The following PCLO variants were observed in gnomAD, a reference collection of about 807,000 sequenced individuals.
PCLO encodes piccolo presynaptic cytomatrix protein.
In PCLO, 82 loss-of-function variants were observed where a neutral mutation model predicts 427.5. The ratio of observed to expected loss-of-function variants is 0.19; its 90% confidence interval spans 0.16 to 0.23. PCLO has a LOEUF of 0.23. Among genes scored for constraint, PCLO ranks in the 10% least tolerant of loss-of-function variants. The pLI is 1.00. For missense variants in PCLO, 6,239 were observed against 6,115.9 expected (o/e 1.02, Z -0.67); for synonymous variants, 2,357 against 2,155.4 (o/e 1.09, Z -2.59).
chr7:82,780,742 A>T (rs1460987446), intron 22 of PCLO, among the ~76,000 whole-genome samples: 7 of 152,242 alleles, frequency 4.6e-5, no homozygotes, highest in Non-Finnish European at 1.0e-4. Context: ...TAACAATATT[A>T]GAATTCTTCT....
intron 3 of PCLO, among the ~76,000 whole-genome samples, chr7:82,982,206 C>A (rs11974533): frequency 0.045 from 6,904 of 151,982 alleles, 551 homozygotes; most frequent in African/African-American, 0.16. Flanking sequence ...CACAGCAACC[C>A]CAAGGCCTAG....
In PCLO at chr7:82,915,581, C is replaced by A. The variant is rs369261620; in HGVS notation, c.12405G>T (p.Gly4135=). The A allele has an allele frequency of 6.7e-5, 108 of 1,613,350 alleles. No homozygotes were observed. Among genetic ancestry groups the A allele is most frequent in the Non-Finnish European group, 8.6e-5 (101 of 1,179,670 alleles). ...CAGCAAGGTGATCTAAGCTCTCTGT[C>A]CCTCTACGAAATTCCTGTTTAATCT... ...KHQIKQEFRR[G]TESLDHLAGL... is the part of the protein sequence containing the mutation. Residue 4135 remains glycine, a synonymous_variant, in exon 7 of 25, where the codon GGG becomes GGT. Transcript: ENST00000333891.
At chr7:83,096,536 G>C (rs927649584) in intron 3 of PCLO, among the ~76,000 whole-genome samples, 1 of 151,400 alleles carries the variant, frequency 6.6e-6, no homozygotes, top group Non-Finnish European at 1.5e-5. Flanking sequence ...TTACAGATCA[G>C]TGCCAGGCAC....
chr7:82,786,360 A>G (rs1292934661), intron 22 of PCLO, among the ~76,000 whole-genome samples: 1 of 152,172 alleles, frequency 6.6e-6, no homozygotes, highest in African/African-American at 2.4e-5. Context: ...ACAATCTGAT[A>G]TATTTTTCTA....
At chr7:83,033,974 T>G (rs1788732201) in intron 3 of PCLO, among the ~76,000 whole-genome samples, 1 of 152,212 alleles carries the variant, frequency 6.6e-6, no homozygotes, top group African/African-American at 2.4e-5. Flanking sequence ...TATCTTTTTC[T>G]TGTCTTCAGT....
At chr7:82,776,800 TTC>T (rs887420352) in intron 22 of PCLO, among the ~76,000 whole-genome samples, 1 of 142,710 alleles carries the variant, frequency 7.0e-6, no homozygotes, top group Admixed American at 7.2e-5. Flanking sequence ...ATCTCTCTCT[TTC>T]TCTCTCTCTT....
At chr7:83,144,204 C>T (rs1451129292) in intron 2 of PCLO, among the ~76,000 whole-genome samples, 1 of 152,036 alleles carries the variant, frequency 6.6e-6, no homozygotes, top group Non-Finnish European at 1.5e-5. Context: ...GGCAGATCAC[C>T]AGGGGTCAGG....
At chr7:82,912,357 A>C (rs1485064498) in intron 7 of PCLO, among the ~76,000 whole-genome samples, 5 of 151,852 alleles carry the variant, frequency 3.3e-5, no homozygotes, top group African/African-American at 7.2e-5. Context: ...ATTACTCATT[A>C]GAAGAAAAAT....
Position 83,154,752 on chromosome 7 carries a change from G to A in PCLO, c.1889C>T (p.Thr630Met), listed in dbSNP as rs201668310. Residue 630 changes from threonine to methionine, a missense_variant, in exon 2 of 25, where the codon ACG becomes ATG. By Grantham distance (81) the Thr-to-Met change is moderately conservative. This residue lies in a region of PCLO where 4,677 missense variants were observed against 4,468.4 expected (regional missense o/e 1.05). Transcript: ENST00000333891. ...TCAGTGAATAAATGCACTTACCTCC[G>A]TTAAATGAGGATTGGGATTAAAACC... ...LCGFNPNPHL[T>M]EVKEWLCLNC... 44 of 1,611,516 alleles carry A rather than the reference G, an allele frequency of 2.7e-5. No individual in the cohort carries two copies. In the Middle Eastern group the frequency reaches 5.0e-4, roughly 18 times the overall value.
chr7:82,932,848 T>C (rs538622761), intron 6 of PCLO, among the ~76,000 whole-genome samples: 32 of 152,150 alleles, frequency 2.1e-4, no homozygotes, highest in African/African-American at 6.3e-4. Flanking sequence ...TTATATTTCA[T>C]TTTTTTACAA....
At position 82,755,380 on chromosome 7, in the gene PCLO, G is replaced by A. The variant is rs1299624874; in HGVS notation, c.*3195C>T. ...TCACCAAAAATCTTCTTAATCTTAA[G>A]TAAAAACAGAGAAAACACCAACTTC... On this transcript the variant is annotated 3_prime_UTR_variant, in exon 25 of 25. Coordinates refer to ENST00000333891, the MANE Select transcript of PCLO (RefSeq NM_033026.6). 6.6e-6 allele frequency: 1 copy of A among 152,072 alleles called. No homozygotes were observed. Among genetic ancestry groups the A allele is most frequent in the Non-Finnish European group, 1.5e-5 (1 of 68,006 alleles). 9.4% of individuals were successfully genotyped at this position (152,072 alleles called of 1,614,324 possible). A position where few individuals can be genotyped will look rare whatever the true frequency, so the allele number is the denominator to read the frequency against.
chr7:83,027,908 C>G (rs879850199), intron 3 of PCLO, among the ~76,000 whole-genome samples: 9,287 of 117,016 alleles, frequency 0.079, 1 homozygote, highest in Non-Finnish European at 0.087. Context: ...ATTCAACAAC[C>G]CTTCATGCTA....
chr7:82,912,168 T>A (rs2116246691), intron 7 of PCLO, among the ~76,000 whole-genome samples: 1 of 152,180 alleles, frequency 6.6e-6, no homozygotes, highest in East Asian at 1.9e-4. Context: ...AATGTTATAC[T>A]ACTCAAAATT....
rs1790363779 is a variant in PCLO, at chr7:82,758,518, TAGTCTTGA to T, written c.*49_*56del. 6.8e-7 allele frequency: 1 copy of T among 1,468,900 alleles called. No individual in the cohort carries two copies. Among genetic ancestry groups the T allele is most frequent in the Non-Finnish European group, 9.3e-7 (1 of 1,075,482 alleles). 91.0% of individuals were successfully genotyped at this position (1,468,900 alleles called of 1,614,324 possible). On this transcript the variant is annotated 3_prime_UTR_variant, in exon 25 of 25. Transcript: ENST00000333891. Reference sequence around the variant, plus strand: ...AGCTTTGTACAATAGTATTCAACTATAGTCTTGATGTGAGGCTATTTAGAGCAGTTTCT... The same window carrying T: ...AGCTTTGTACAATAGTATTCAACTATTGTGAGGCTATTTAGAGCAGTTTCT...
Position 83,118,204 on chromosome 7 carries a change from G to C in PCLO, c.3300+16046C>G, listed in dbSNP as rs78830484. Among the ~76,000 whole-genome samples the C allele has an allele frequency of 5.6e-3, 853 of 152,232 alleles. 9 individuals are homozygous for C. The highest frequency in any genetic ancestry group is 8.6e-3 in the Non-Finnish European group (586 of 68,006). ...GAAAAAATAAAACTACAGATGCTTA[G>C]GGGAAAATGTGGAAGGTTATTTTTA... On this transcript the variant is annotated intron_variant, in intron 3 of 24. Transcript: ENST00000333891.
chr7:82,939,443 T>G (rs1031702936), intron 6 of PCLO, among the ~76,000 whole-genome samples: 2 of 151,862 alleles, frequency 1.3e-5, no homozygotes, highest in Non-Finnish European at 2.9e-5. Flanking sequence ...GTAATCTCTA[T>G]TGTGTTTTGT....
intron 2 of PCLO, among the ~76,000 whole-genome samples, chr7:83,146,476 T>C (rs964392152): frequency 1.3e-5 from 2 of 152,220 alleles, no homozygotes; most frequent in East Asian, 1.9e-4. Flanking sequence ...GAGAATTTAG[T>C]TTAGTTATAA....
At chr7:83,092,112 T>C (rs1213809002) in intron 3 of PCLO, among the ~76,000 whole-genome samples, 1 of 152,176 alleles carries the variant, frequency 6.6e-6, no homozygotes, top group Non-Finnish European at 1.5e-5. Context: ...GAAACTCCAA[T>C]GGAGCATGAG....
intron 6 of PCLO, among the ~76,000 whole-genome samples, chr7:82,935,097 TC>T (rs1794920622): frequency 6.9e-6 from 1 of 145,982 alleles, no homozygotes; most frequent in Admixed American, 7.1e-5. Context: ...ATAAGGACAA[TC>T]CTTGGACTTC....
Sources: gnomAD v4.1 joint callset for allele counts (sites outside exome capture counted in the v4.1 genomes callset) on GRCh38, gnomAD v4.1.1 for gene constraint, gnomAD v4.1.1 regional missense constraint, MANE v1.5 for transcripts, NCBI Gene and HGNC (gene_info 2026-07-23, HGNC 2026-07-21) for gene names.